Variants in COL19A1 observed in about 807,000 individuals in gnomAD.
COL19A1 encodes collagen alpha-1(XIX) chain.
A neutral mutation model predicts 190.2 loss-of-function variants in COL19A1; 159 were observed. The ratio of observed to expected loss-of-function variants is 0.84; its 90% CI spans 0.73 to 0.95. COL19A1 has a LOEUF of 0.95. COL19A1 is among the 40% of genes least tolerant of loss of function. The probability of loss-of-function intolerance (pLI) is 0.00; values close to 1 mark genes in which losing one functional copy is unlikely to be tolerated. For synonymous variants in COL19A1, 509 were observed against 458.9 expected, an observed-to-expected ratio of 1.11 and a Z score of -1.39; for missense variants, 1,418 against 1,431.9, an observed-to-expected ratio of 0.99 and a Z score of 0.16.
chr6:69,981,627 A>C (rs918955988), intron 11 of COL19A1, among the ~76,000 whole-genome samples: 1 of 152,054 alleles, frequency 6.6e-6, no homozygotes. Context: ...GTCTTACTTC[A>C]GAACTTACAT....
chr6:70,007,306 AAT>A (rs1357176309), intron 11 of COL19A1, among the ~76,000 whole-genome samples: 3 of 152,226 alleles, frequency 2.0e-5, no homozygotes. Flanking sequence ...TTTACAAAGC[AAT>A]ATCCAACTAT....
chr6:70,045,582 G>A (rs1366644837), intron 14 of COL19A1, among the ~76,000 whole-genome samples: 2 of 152,150 alleles, frequency 1.3e-5, no homozygotes, highest in African/African-American at 2.4e-5. Context: ...TTCTCCTACA[G>A]CTGGCAACAG....
intron 4 of COL19A1, among the ~76,000 whole-genome samples, chr6:69,908,046 C>G (rs1045293965): frequency 2.0e-5 from 3 of 152,184 alleles, no homozygotes; most frequent in Non-Finnish European, 4.4e-5. Flanking sequence ...AAATTTCACC[C>G]CTTATAAAGG....
At chr6:70,093,145 G>A (rs1783031599) in intron 15 of COL19A1, among the ~76,000 whole-genome samples, 1 of 152,152 alleles carries the variant, frequency 6.6e-6, no homozygotes. Context: ...TTTTAGAGAT[G>A]TGGAAGCCTG....
At chr6:69,885,489 G>A (rs1454453118) in intron 2 of COL19A1, among the ~76,000 whole-genome samples, 1 of 152,066 alleles carries the variant, frequency 6.6e-6, no homozygotes, top group African/African-American at 2.4e-5. Context: ...GTAATGAGTG[G>A]CTAAATCTTA....
rs1159873541 is a variant in COL19A1, at chr6:70,199,705, G to C, written c.3192G>C (p.Leu1064Phe). 2 of 1,611,068 alleles carry C rather than the reference G, an allele frequency of 1.2e-6. No homozygotes were observed. The highest frequency in any genetic ancestry group is 1.7e-6 in the Non-Finnish European group (2 of 1,178,212). The part of the protein sequence containing the change: ...GRPGPPGKDG[L>F]PGPPGDPGPQ... ...CTGGGCCACCAGGGAAGGATGGGTT[G>C]CCTGGGCCACCAGGAGACCCTGGAC... The change falls in exon 49 of 51, where the codon TTG becomes TTC. Residue 1064 changes from leucine (L) to phenylalanine (F), a missense_variant. By Grantham distance (22) the Leu-to-Phe change is conservative. Coordinates refer to ENST00000620364, the MANE Select transcript of COL19A1 (RefSeq NM_001858.6).
intron 11 of COL19A1, among the ~76,000 whole-genome samples, chr6:69,966,067 T>C (rs1775073372): frequency 6.6e-6 from 1 of 152,214 alleles, no homozygotes. Context: ...TTCCCAGCAA[T>C]GATTTCATCA....
chr6:69,898,255 T>A (rs1319012306), intron 2 of COL19A1, among the ~76,000 whole-genome samples: 1 of 152,208 alleles, frequency 6.6e-6, no homozygotes, highest in Non-Finnish European at 1.5e-5. Context: ...CTGAATTAAC[T>A]GAATTAGCCT....
At chr6:70,100,119 AAG>A (rs1562172316) in intron 15 of COL19A1, among the ~76,000 whole-genome samples, 1 of 152,194 alleles carries the variant, frequency 6.6e-6, no homozygotes, top group Non-Finnish European at 1.5e-5. Flanking sequence ...CCTTTGAAGA[AAG>A]GGGAATGTAA....
intron 27 of COL19A1, among the ~76,000 whole-genome samples, chr6:70,147,851 C>A (rs6933023): frequency 6.6e-6 from 1 of 151,950 alleles, no homozygotes; most frequent in Non-Finnish European, 1.5e-5. Context: ...CAGCTATAAA[C>A]TGGGAGCTTC....
At chr6:70,203,379 T>C (rs2150309849) in intron 49 of COL19A1, among the ~76,000 whole-genome samples, 1 of 152,320 alleles carries the variant, frequency 6.6e-6, no homozygotes, top group African/African-American at 2.4e-5. Flanking sequence ...TGATCATACA[T>C]ACTGTTTGTA....
chr6:69,913,855 A>G (rs1771119520), intron 4 of COL19A1, among the ~76,000 whole-genome samples: 1 of 151,480 alleles, frequency 6.6e-6, no homozygotes, highest in African/African-American at 2.4e-5. Flanking sequence ...TAGGTCTAGG[A>G]CCTCCCAGGC....
rs187691760 is a variant in COL19A1, at chr6:70,000,958, A to T, written c.1027-22669A>T. ...AGTCTTTGCCCATGCCTATGTCCTG[A>T]AGGGTACTGCCTAGGTTTTCTTCTA... On this transcript the variant is annotated intron_variant, in intron 11 of 50. Transcript: ENST00000620364. Among the ~76,000 whole-genome samples the T allele has an allele frequency of 2.0e-5, 3 of 152,222 alleles. No individual in the cohort carries two copies. In the East Asian group the frequency reaches 5.8e-4, roughly 29 times the overall value.
At chr6:70,035,504 A>G (rs1340878509) in intron 13 of COL19A1, among the ~76,000 whole-genome samples, 2 of 152,180 alleles carry the variant, frequency 1.3e-5, no homozygotes, top group African/African-American at 2.4e-5. Context: ...GGGGAGATCC[A>G]CTTATTATTT....
At chr6:70,191,136 C>G (rs1487569129) in intron 48 of COL19A1, among the ~76,000 whole-genome samples, 1 of 152,160 alleles carries the variant, frequency 6.6e-6, no homozygotes, top group Admixed American at 6.5e-5. Context: ...AGAGAAAGTT[C>G]TGACCCCTGC....
chr6:69,883,039 T>A (rs1349628260), intron 2 of COL19A1, among the ~76,000 whole-genome samples: 1 of 152,236 alleles, frequency 6.6e-6, no homozygotes, highest in African/African-American at 2.4e-5. Context: ...CTAGGTATTT[T>A]CCTTTGGAAG....
chr6:69,868,985 C>T lies in COL19A1; in HGVS notation c.-33+2345C>T, dbSNP rs1767654238. Among the ~76,000 whole-genome samples, 6 of 151,214 alleles carry T rather than the reference C, an allele frequency of 4.0e-5. No individual in the cohort carries two copies. The South Asian group carries it at 1.3e-3, about 32-fold the overall frequency. ...GAAGTATGAAAAATAAACTGAAATG[C>T]AAGGAAGTAGGGCTATAGATATGCT... On this transcript the variant is annotated intron_variant, in intron 1 of 50. Coordinates refer to ENST00000620364, the MANE Select transcript of COL19A1 (RefSeq NM_001858.6).
intron 16 of COL19A1, among the ~76,000 whole-genome samples, chr6:70,103,772 A>G (rs552979862): frequency 3.9e-5 from 6 of 152,254 alleles, no homozygotes; most frequent in African/African-American, 1.4e-4. Context: ...TCGGACAGAC[A>G]CGGCATGTTA....
intron 40 of COL19A1, among the ~76,000 whole-genome samples, chr6:70,170,955 C>G (rs766432853): frequency 2.6e-5 from 4 of 152,100 alleles, no homozygotes; most frequent in Non-Finnish European, 4.4e-5. Flanking sequence ...ATCCGGTGTC[C>G]TAAGAAAATA....
Sources: gnomAD v4.1 joint callset for allele counts (sites outside exome capture counted in the v4.1 genomes callset) on GRCh38, gnomAD v4.1.1 for gene constraint, MANE v1.5 for transcripts, NCBI Gene and HGNC (gene_info 2026-07-23, HGNC 2026-07-21) for gene names.